The following QSER1 variants were observed in gnomAD, a reference collection of about 807,000 sequenced individuals.
QSER1 encodes glutamine and serine rich 1.
Under a neutral mutation model 158.5 loss-of-function variants are expected in QSER1, and 49 were observed. The ratio of observed to expected loss-of-function variants is 0.31; its 90% CI spans 0.25 to 0.39. The LOEUF is 0.39. Ranked by LOEUF, QSER1 falls within the 10% of genes least tolerant of loss-of-function variation. QSER1 has a pLI of 1.00. For missense variants in QSER1, 1,754 were observed against 2,010.3 expected, an observed-to-expected ratio of 0.87 and a Z score of 2.44; for synonymous variants, 650 against 715.5, an observed-to-expected ratio of 0.91 and a Z score of 1.46.
intron 1 of QSER1, chr11:32,926,854 A>G (rs1482900864): frequency 2.0e-5 from 3 of 152,012 alleles, no homozygotes. Flanking sequence ...CAATGAATTC[A>G]CCTCTCTGTT....
intron 4 of QSER1, among the ~76,000 whole-genome samples, chr11:32,937,161 G>C (rs943683705): frequency 6.6e-6 from 1 of 152,064 alleles, no homozygotes; most frequent in Admixed American, 6.5e-5. Context: ...TCATAAACCC[G>C]ATCCTTACTA....
In QSER1 at chr11:32,934,580, A is replaced by C; in HGVS notation, c.3322A>C (p.Lys1108Gln). 6.2e-7 allele frequency: 1 copy of C among 1,613,574 alleles called. No homozygotes were observed. Among genetic ancestry groups the C allele is most frequent in the Non-Finnish European group, 8.5e-7 (1 of 1,179,964 alleles). ...VQEQSSGPFK[K>Q]QSATNLESEE... ...GGAGCAAAGTTCTGGCCCATTCAAG[A>C]AACAGTCTGCTACCAATCTTGAATC... is the stretch of plus-strand genomic sequence containing the variant. The change falls in exon 4 of 13, where the codon AAA becomes CAA. Residue 1108 changes from lysine (K) to glutamine (Q), a missense_variant. Physicochemically the swap from Lys to Gln is moderately conservative, Grantham distance 53 (BLOSUM62 1). Coordinates refer to ENST00000650167, the MANE Select transcript of QSER1 (RefSeq NM_001076786.3).
chr11:32,896,665 A>G (rs899321623), intron 1 of QSER1, among the ~76,000 whole-genome samples: 5 of 152,238 alleles, frequency 3.3e-5, no homozygotes, highest in African/African-American at 9.6e-5. Flanking sequence ...CTGGGATTAC[A>G]GGTGTGAGCC....
chr11:32,905,522 A>C (rs1232643620), intron 1 of QSER1, among the ~76,000 whole-genome samples: 3 of 151,204 alleles, frequency 2.0e-5, no homozygotes, highest in Non-Finnish European at 4.4e-5. Flanking sequence ...GAAGGATGGG[A>C]ATTAAGTAGA....
At chr11:32,926,349 T>G (rs1851970314) in intron 1 of QSER1, among the ~76,000 whole-genome samples, 1 of 152,200 alleles carries the variant, frequency 6.6e-6, no homozygotes, top group Non-Finnish European at 1.5e-5. Flanking sequence ...TGTTTAAGTC[T>G]GATAATGATA....
intron 3 of QSER1, among the ~76,000 whole-genome samples, chr11:32,931,259 A>G (rs956318956): frequency 6.6e-6 from 1 of 152,170 alleles, no homozygotes; most frequent in Non-Finnish European, 1.5e-5. Flanking sequence ...AATTGCTGAT[A>G]TCATTGTAAC....
At chr11:32,948,971 A>G (rs1272778487) in intron 4 of QSER1, among the ~76,000 whole-genome samples, 3 of 152,068 alleles carry the variant, frequency 2.0e-5, no homozygotes, top group Non-Finnish European at 4.4e-5. Context: ...AGCTTCTCCA[A>G]ATCTGTCAAT....
intron 1 of QSER1, among the ~76,000 whole-genome samples, chr11:32,909,442 A>T (rs1237717646): frequency 6.9e-4 from 97 of 140,662 alleles, no homozygotes; most frequent in Middle Eastern, 3.7e-3. Context: ...ACTCTAGATC[A>T]TTTTTTTTTT....
chr11:32,956,265 A>T (rs1852510390), intron 7 of QSER1, 144 bp downstream of exon 7: 1 of 692,660 alleles, frequency 1.4e-6, no homozygotes, highest in Admixed American at 3.0e-5. Context: ...GAAATAAGTG[A>T]TTCTTTTGAA....
intron 3 of QSER1, among the ~76,000 whole-genome samples, chr11:32,928,722 T>C (rs925756781): frequency 6.6e-6 from 1 of 152,158 alleles, no homozygotes; most frequent in Non-Finnish European, 1.5e-5. Context: ...TTTTGGAGTT[T>C]TGTCTTAAGA....
rs1852056135 is a variant in QSER1, at chr11:32,932,088, A to C, written c.830A>C (p.Gln277Pro). The C allele has an allele frequency of 2.5e-6, 4 of 1,613,906 alleles. No homozygotes were observed. The highest frequency in any genetic ancestry group is 1.7e-6 in the Non-Finnish European group (2 of 1,179,982). ...QESAPHLLQP[Q>P]FSLLPSALGG... ...TCTGCACCCCATCTTTTACAACCTC[A>C]ATTTAGTTTGTTGCCTTCAGCACTT... Residue 277 changes from glutamine to proline, a missense_variant, in exon 4 of 13, where the codon CAA (glutamine) becomes CCA (proline). By Grantham distance (76) the Gln-to-Pro change is moderately conservative. This residue lies in a region of QSER1 where 1,707 missense variants were observed against 1,919.6 expected (regional missense o/e 0.89). Transcript: ENST00000650167.
intron 1 of QSER1, among the ~76,000 whole-genome samples, chr11:32,913,596 A>G (rs1851798101): frequency 6.6e-6 from 1 of 152,224 alleles, no homozygotes; most frequent in Non-Finnish European, 1.5e-5. Context: ...AGTTCCTAGC[A>G]TAACACTTGG....
rs1564943009 is a variant in QSER1, at chr11:32,955,418, T to G, written c.4617+6T>G. The stretch of plus-strand genomic sequence containing the variant: ...AATTTGCTGCTACAAATAGTGTAAG[T>G]AAAATGCATGTTTACATTAGCCTTA... On this transcript the variant is annotated splice_donor_region_variant and intron_variant, in intron 6 of 12. Transcript: ENST00000650167. 1.4e-6 allele frequency: 2 copies of G among 1,391,954 alleles called. No individual in the cohort carries two copies. The highest frequency in any genetic ancestry group is 2.0e-5 in the Admixed American group (1 of 49,176). The allele number at this position is 1,391,954 out of a possible 1,614,324, so 86.2% of individuals were successfully genotyped here. A position where few individuals can be genotyped will look rare whatever the true frequency, so the allele number is the denominator to read the frequency against.
At chr11:32,976,253 AAAAT>A in intron 12 of QSER1, 77 bp from the exon 13 acceptor site, 1 of 1,243,102 alleles carries the variant, frequency 8.0e-7, no homozygotes, top group South Asian at 1.8e-5. Flanking sequence ...GATTAAGAAA[AAAAT>A]AAAATACCAG....
intron 8 of QSER1, among the ~76,000 whole-genome samples, chr11:32,965,199 C>T (rs1241982327): frequency 2.0e-5 from 3 of 152,050 alleles, no homozygotes; most frequent in Admixed American, 1.3e-4. Flanking sequence ...GCAGTCTCAA[C>T]CTCCGGGACT....
chr11:32,928,918 T>A (rs1001654839), intron 3 of QSER1, among the ~76,000 whole-genome samples: 2 of 152,144 alleles, frequency 1.3e-5, no homozygotes, highest in East Asian at 3.8e-4. Context: ...CATAGCTTTA[T>A]TTTTTACTTC....
At chr11:32,921,822 G>A (rs1851903000) in intron 1 of QSER1, among the ~76,000 whole-genome samples, 1 of 152,156 alleles carries the variant, frequency 6.6e-6, no homozygotes, top group South Asian at 2.1e-4. Context: ...AACAAATTTG[G>A]AAGATTTGTG....
chr11:32,972,669 C>G (rs1447840656), intron 10 of QSER1, among the ~76,000 whole-genome samples: 2 of 152,068 alleles, frequency 1.3e-5, no homozygotes, highest in Non-Finnish European at 2.9e-5. Flanking sequence ...CTCCTGGCCT[C>G]AAGTAATTTG....
rs192769371 is a variant in QSER1 at position 32,957,197 on chromosome 11, A to G, written c.4752-672A>G. Among the ~76,000 whole-genome samples, 24 of 132,438 alleles carry G rather than the reference A, an allele frequency of 1.8e-4. No homozygotes were observed. The East Asian group carries it at 5.2e-3, about 29-fold the overall frequency. The allele number at this position is 132,438 out of a possible 152,430, so 86.9% of individuals were successfully genotyped here. A position where few individuals can be genotyped will look rare whatever the true frequency, so the allele number is the denominator to read the frequency against. ...TGCTCTGTCGCCCAGGCTGGAGTGC[A>G]GCGGCGTGATCTTGGCTCACTGCAA... On this transcript the variant is annotated intron_variant, in intron 7 of 12. Coordinates refer to ENST00000650167, the MANE Select transcript of QSER1 (RefSeq NM_001076786.3).
Sources: gnomAD v4.1 joint callset for allele counts (sites outside exome capture counted in the v4.1 genomes callset) on GRCh38, gnomAD v4.1.1 for gene constraint, gnomAD v4.1.1 regional missense constraint, MANE v1.5 for transcripts, NCBI Gene and HGNC (gene_info 2026-07-23, HGNC 2026-07-21) for gene names.